Variants in TRIM9 observed in about 807,000 individuals in gnomAD.
The protein encoded by TRIM9 is E3 ubiquitin-protein ligase TRIM9.
TRIM9 carries 26 observed loss-of-function variants against 78.3 expected under a neutral mutation model. That is an observed-to-expected ratio of 0.33 (90% confidence interval 0.24 to 0.46). The LOEUF (loss-of-function observed/expected upper bound fraction) is 0.46. TRIM9 is among the 20% of genes least tolerant of loss of function. The pLI is 1.00. For missense variants in TRIM9, 787 were observed against 1,036.4 expected, an observed-to-expected ratio of 0.76 and a Z score of 3.30; for synonymous variants, 398 against 416.5, an observed-to-expected ratio of 0.96 and a Z score of 0.54.
At position 51,010,393 on chromosome 14, in the gene TRIM9, A is replaced by T; in HGVS notation, c.1143T>A (p.Gly381=). 6.2e-7 allele frequency: 1 copy of T among 1,613,346 alleles called. No homozygotes were observed. The highest frequency in any genetic ancestry group is 8.5e-7 in the Non-Finnish European group (1 of 1,179,492). The change falls in exon 4 of 13, where the codon GGT becomes GGA. Residue 381 remains glycine (G), a synonymous_variant. Transcript: ENST00000684578. ...ACTAGTTAACTCTTACCTGCAAAAA[A>T]CCACTAGGATCATTTTCCTTAATCA... ...LEVIKENDPS[G]FLQISDALIR...
chr14:50,990,622 G>A (rs552400359), intron 7 of TRIM9, among the ~76,000 whole-genome samples: 2 of 152,296 alleles, frequency 1.3e-5, no homozygotes, highest in East Asian at 3.9e-4. Context: ...CAAACAGATT[G>A]TGGTTGCTTA....
At chr14:50,997,287 T>G in intron 7 of TRIM9, 1 of 985,448 alleles carries the variant, frequency 1.0e-6, no homozygotes, top group Non-Finnish European at 1.2e-6. Context: ...ACACATTACT[T>G]GTCTTTGATG....
In TRIM9 at chr14:50,977,250, C is replaced by A. The variant is rs11627694; in HGVS notation, c.*41G>T. 9 of 1,403,294 alleles carry A rather than the reference C, an allele frequency of 6.4e-6. No homozygotes were observed. Among genetic ancestry groups the A allele is most frequent in the Non-Finnish European group, 8.5e-6 (9 of 1,064,396 alleles). The allele number at this position is 1,403,294 out of a possible 1,614,324, so 86.9% of individuals were successfully genotyped here. A position where few individuals can be genotyped will look rare whatever the true frequency, so the allele number is the denominator to read the frequency against. On this transcript the variant is annotated 3_prime_UTR_variant, in exon 13 of 13. Coordinates refer to ENST00000684578, the MANE Select transcript of TRIM9 (RefSeq NM_001387360.1). ...AGCTCCTTGCTGTGGCTCTCGCAGG[C>A]GGAGGTAAGAACAGGCAGCTGGCGC...
chr14:51,000,333 C>T (rs1002199040), intron 6 of TRIM9, among the ~76,000 whole-genome samples: 3 of 152,190 alleles, frequency 2.0e-5, no homozygotes, highest in African/African-American at 7.2e-5. Context: ...ATGAGATTCA[C>T]GCTATTGTTA....
chr14:51,029,663 C>G (rs977738293), intron 1 of TRIM9, among the ~76,000 whole-genome samples: 1 of 152,138 alleles, frequency 6.6e-6, no homozygotes, highest in African/African-American at 2.4e-5. Context: ...GCAAGAAATT[C>G]TAATAATTGT....
At chr14:51,034,986 T>G (rs2059016144) in intron 1 of TRIM9, among the ~76,000 whole-genome samples, 1 of 152,170 alleles carries the variant, frequency 6.6e-6, no homozygotes, top group South Asian at 2.1e-4. Flanking sequence ...ATGTAGCTAT[T>G]GAAAGGGGGT....
Position 50,977,253 on chromosome 14 carries a change from A to C in TRIM9, c.*38T>G. On this transcript the variant is annotated 3_prime_UTR_variant, in exon 13 of 13. Coordinates refer to ENST00000684578, the MANE Select transcript of TRIM9 (RefSeq NM_001387360.1). ...TCCTTGCTGTGGCTCTCGCAGGCGG[A>C]GGTAAGAACAGGCAGCTGGCGCCTC... 7.1e-7 allele frequency: 1 copy of C among 1,411,746 alleles called. No individual in the cohort carries two copies. Among genetic ancestry groups the C allele is most frequent in the Non-Finnish European group, 9.4e-7 (1 of 1,069,264 alleles). 87.5% of individuals were successfully genotyped at this position (1,411,746 alleles called of 1,614,324 possible).
At position 51,072,784 on chromosome 14, in the gene TRIM9, T is replaced by C. The variant is rs556495067; in HGVS notation, c.822+21334A>G. On this transcript the variant is annotated intron_variant, in intron 1 of 12. Coordinates refer to ENST00000684578, the MANE Select transcript of TRIM9 (RefSeq NM_001387360.1). The stretch of plus-strand genomic sequence containing the variant: ...AAGAACCTCTCTCCCTAAATTGCTT[T>C]ATAATATTTCTAAGTGAAGCTCTGA... Among the ~76,000 whole-genome samples, 6 of 152,308 alleles carry C rather than the reference T, an allele frequency of 3.9e-5. No homozygotes were observed. In the South Asian group the frequency reaches 1.2e-3, roughly 32 times the overall value.
At chr14:50,989,452 G>A (rs1410026720) in intron 7 of TRIM9, among the ~76,000 whole-genome samples, 3 of 152,104 alleles carry the variant, frequency 2.0e-5, no homozygotes, top group African/African-American at 7.2e-5. Flanking sequence ...GGACAAAGAG[G>A]AATGAGGTTG....
At position 51,086,603 on chromosome 14, in the gene TRIM9, A is replaced by T. The variant is rs1039050506; in HGVS notation, c.822+7515T>A. On this transcript the variant is annotated intron_variant, in intron 1 of 12. Coordinates refer to ENST00000684578, the MANE Select transcript of TRIM9 (RefSeq NM_001387360.1). ...AAGATAGATAAGAAACAGTCTATGG[A>T]ATTGAGTTATTAGGGTTCAGTGGAA... is the stretch of plus-strand genomic sequence containing the variant. Among the ~76,000 whole-genome samples, 5 of 152,222 alleles carry T rather than the reference A, an allele frequency of 3.3e-5. 1 individual carries two copies. Among genetic ancestry groups the T allele is most frequent in the African/African-American group, 1.2e-4 (5 of 41,458 alleles).
Position 50,997,812 on chromosome 14 carries a change from A to G in TRIM9, c.1603+238T>C, listed in dbSNP as rs538497421. On this transcript the variant is annotated intron_variant, in intron 7 of 12. Coordinates refer to ENST00000684578, the MANE Select transcript of TRIM9 (RefSeq NM_001387360.1). Reference sequence around the variant, plus strand: ...ACTGCAGCTTATTTAGATTGTTATCAAAGGAAGCCGCCGGCCCAAGCCATT... The same window carrying G: ...ACTGCAGCTTATTTAGATTGTTATCGAAGGAAGCCGCCGGCCCAAGCCATT... The G allele has an allele frequency of 2.2e-5, 31 of 1,380,360 alleles. No homozygotes were observed. The African/African-American group carries it at 3.6e-4, about 16-fold the overall frequency. 85.5% of individuals were successfully genotyped at this position (1,380,360 alleles called of 1,614,324 possible). A position where few individuals can be genotyped will look rare whatever the true frequency, so the allele number is the denominator to read the frequency against.
In TRIM9 at chr14:50,980,382, A is replaced by G. The variant is rs74052111; in HGVS notation, c.2163-833T>C. On this transcript the variant is annotated intron_variant, in intron 11 of 12. Coordinates refer to ENST00000684578, the MANE Select transcript of TRIM9 (RefSeq NM_001387360.1). ...TGTCTTTCCCATTTTTTTGAGATCT[A>G]GCAATATTGAACTTCGTCCTCATCT... 2.2e-3 allele frequency among the ~76,000 whole-genome samples: 333 copies of G among 152,326 alleles called. 3 individuals carry two copies. Among genetic ancestry groups the G allele is most frequent in the African/African-American group, 7.4e-3 (309 of 41,574 alleles).
intron 1 of TRIM9, among the ~76,000 whole-genome samples, chr14:51,072,676 G>T (rs1195602134): frequency 6.6e-6 from 1 of 151,030 alleles, no homozygotes. Flanking sequence ...TTTACTTAGA[G>T]ACTATTTGAA....
At chr14:51,063,677 T>G (rs541128987) in intron 1 of TRIM9, among the ~76,000 whole-genome samples, 2 of 152,170 alleles carry the variant, frequency 1.3e-5, no homozygotes, top group Non-Finnish European at 2.9e-5. Flanking sequence ...AAGATGGTAA[T>G]GGAATCAAAT....
rs375104843 is a variant in TRIM9, at chr14:51,036,871, A to G, written c.823-11511T>C. Among the ~76,000 whole-genome samples the G allele has an allele frequency of 8.6e-4, 131 of 152,210 alleles. 1 individual carries two copies. The South Asian group carries it at 0.023, about 26-fold the overall frequency. ...AGGGAAATTTGGGCTATCTACATCT[A>G]TTGTGTTAACTGACATAGTTGGCTT... On this transcript the variant is annotated intron_variant, in intron 1 of 12. Transcript: ENST00000684578.
chr14:51,049,258 G>A (rs2060198876), intron 1 of TRIM9, among the ~76,000 whole-genome samples: 1 of 152,102 alleles, frequency 6.6e-6, no homozygotes, highest in Non-Finnish European at 1.5e-5. Context: ...TAGAGACGGG[G>A]TTTCGCCAAG....
chr14:51,040,387 G>A (rs1415634185), intron 1 of TRIM9, among the ~76,000 whole-genome samples: 2 of 152,038 alleles, frequency 1.3e-5, no homozygotes, highest in African/African-American at 4.8e-5. Context: ...CTTTTCTTCT[G>A]TTGCCTGTAC....
At chr14:51,000,957 C>G in intron 5 of TRIM9, 117 bp from the exon 6 acceptor site, 1 of 1,210,366 alleles carries the variant, frequency 8.3e-7, no homozygotes, top group Non-Finnish European at 1.2e-6. Context: ...ATGGGGTGCA[C>G]AGGGGAACTG....
chr14:50,992,168 T>C (rs1426199479), intron 7 of TRIM9, among the ~76,000 whole-genome samples: 3 of 152,224 alleles, frequency 2.0e-5, no homozygotes, highest in Non-Finnish European at 4.4e-5. Context: ...TGGGCTGAGG[T>C]GTTCCCTGTA....
Sources: allele counts gnomAD v4.1 joint callset (sites outside exome capture counted in the v4.1 genomes callset), GRCh38; gene constraint gnomAD v4.1.1; transcripts MANE v1.5; gene names NCBI Gene and HGNC (gene_info 2026-07-23, HGNC 2026-07-21).